SHQ1: variants seen among roughly 807,000 people sequenced by gnomAD.
The protein encoded by SHQ1 is SHQ1, H/ACA ribonucleoprotein assembly factor, also known as protein SHQ1 homolog.
A neutral mutation model predicts 53.8 loss-of-function variants in SHQ1; 49 were observed. That is an observed-to-expected ratio of 0.91 (90% CI 0.72 to 1.16). The LOEUF (loss-of-function observed/expected upper bound fraction) is 1.16, where lower values mean the gene tolerates loss of function less well. SHQ1 is among the 50% of genes most tolerant of loss of function. The probability of loss-of-function intolerance (pLI) is 0.00; values close to 1 mark genes in which losing one functional copy is unlikely to be tolerated. For synonymous variants in SHQ1, 243 were observed against 251.0 expected (o/e 0.97, Z 0.30); for missense variants, 738 against 683.1 (o/e 1.08, Z -0.90).
intron 4 of SHQ1, among the ~76,000 whole-genome samples, chr3:72,834,196 T>C (rs1707923671): frequency 1.3e-5 from 2 of 152,254 alleles, no homozygotes; most frequent in South Asian, 4.1e-4. Context: ...TCTAAGCACA[T>C]ACTAATATAA....
At chr3:72,755,555 T>C (rs1013725013) in intron 10 of SHQ1, among the ~76,000 whole-genome samples, 2 of 152,172 alleles carry the variant, frequency 1.3e-5, no homozygotes, top group African/African-American at 4.8e-5. Context: ...GTCTGAGGAA[T>C]TAAAGTTGGG....
the SHQ1 span, among the ~76,000 whole-genome samples, chr3:72,733,303 A>G: frequency 4.6e-5 from 7 of 151,644 alleles, no homozygotes; most frequent in Non-Finnish European, 1.0e-4. Flanking sequence ...CACCTAGGAA[A>G]CCACTGCCAG....
downstream of SHQ1, among the ~76,000 whole-genome samples, chr3:72,749,001 G>A: frequency 6.9e-6 from 1 of 144,418 alleles, no homozygotes. Context: ...ACACACACAG[G>A]CAGAAGATTT....
At chr3:72,847,429 G>A (rs1708376410) in intron 1 of SHQ1, among the ~76,000 whole-genome samples, 1 of 147,282 alleles carries the variant, frequency 6.8e-6, no homozygotes, top group African/African-American at 2.6e-5. Flanking sequence ...GGGGTTAATA[G>A]CAGTGCTTAT....
intron 10 of SHQ1, chr3:72,753,251 T>G: frequency 1.0e-6 from 1 of 985,436 alleles, no homozygotes; most frequent in Non-Finnish European, 1.2e-6. Context: ...TGAGTGGCTT[T>G]GAGACAAACT....
the SHQ1 span, among the ~76,000 whole-genome samples, chr3:72,744,237 G>C: frequency 6.6e-6 from 1 of 152,150 alleles, no homozygotes; most frequent in African/African-American, 2.4e-5. Flanking sequence ...ACTCCAATAA[G>C]AGCAGTCAGG....
chr3:72,813,830 C>CT (rs931930903), intron 8 of SHQ1, among the ~76,000 whole-genome samples: 26,424 of 108,138 alleles, frequency 0.24, 3,289 homozygotes, highest in Non-Finnish European at 0.27. Flanking sequence ...TCCTCTTTTT[C>CT]TTTTTTTTTT....
At chr3:72,764,017 A>G (rs1365381847) in intron 10 of SHQ1, among the ~76,000 whole-genome samples, 1 of 152,136 alleles carries the variant, frequency 6.6e-6, no homozygotes, top group Non-Finnish European at 1.5e-5. Flanking sequence ...ATGGAAAAAA[A>G]AAAAAGACAC....
At position 72,750,587 on chromosome 3, in the gene SHQ1, T is replaced by C; in HGVS notation, c.1431A>G (p.Gln477=). The change falls in exon 11 of 11, where the codon CAA becomes CAG. Residue 477 remains glutamine, a synonymous_variant. Coordinates refer to ENST00000325599, the MANE Select transcript of SHQ1 (RefSeq NM_018130.3). ...GNEDSGSDSE[Q]DELKDSPSET... The stretch of plus-strand genomic sequence containing the variant: ...CAGATGGACTATCTTTGAGTTCATC[T>C]TGTTCTGAATCTGAGCCTGAGTCTT... The C allele has an allele frequency of 1.2e-6, 2 of 1,614,232 alleles. No individual in the cohort carries two copies. Among genetic ancestry groups the C allele is most frequent in the Non-Finnish European group, 1.7e-6 (2 of 1,180,034 alleles).
In SHQ1 at chr3:72,832,379, C is replaced by T. The variant is rs753477776; in HGVS notation, c.589G>A (p.Asp197Asn). The T allele has an allele frequency of 1.2e-6, 2 of 1,608,724 alleles. No homozygotes were observed. Among genetic ancestry groups the T allele is most frequent in the South Asian group, 2.2e-5 (2 of 90,570 alleles). Reference sequence around the variant, plus strand: ...AATCTCATTACTCACAGATAATGATCAGGATCAAACTTGGCCAGCTCAGCG... The same window carrying T: ...AATCTCATTACTCACAGATAATGATTAGGATCAAACTTGGCCAGCTCAGCG... ...LAAELAKFDP[D>N]HYLADFFEDE... Residue 197 changes from aspartate to asparagine, a missense_variant, in exon 5 of 11, where the codon GAT becomes AAT. By Grantham distance (23) the Asp-to-Asn change is conservative. Transcript: ENST00000325599.
downstream of SHQ1, among the ~76,000 whole-genome samples, chr3:72,748,971 G>GCACACACACACACA (rs34002344): frequency 2.1e-5 from 3 of 144,062 alleles, no homozygotes; most frequent in African/African-American, 7.5e-5. Flanking sequence ...ACACGCACAC[G>GCACACACACACACA]CACACACACA....
intron 9 of SHQ1, among the ~76,000 whole-genome samples, chr3:72,803,329 T>C (rs13322763): frequency 0.076 from 11,598 of 152,236 alleles, 1,326 homozygotes; most frequent in African/African-American, 0.25. Flanking sequence ...ATGTATCTCT[T>C]CAGTTCACAC....
rs1172236308 is a variant in SHQ1, at chr3:72,817,236, C to G, written c.876G>C (p.Glu292Asp). The change falls in exon 7 of 11, where the codon GAG becomes GAC. Residue 292 changes from glutamate to aspartate, a missense_variant. Coordinates refer to ENST00000325599, the MANE Select transcript of SHQ1 (RefSeq NM_018130.3). ...CACACATACATGCACTTACATTCTT[C>G]TCTCCTTCAGTGACACGGGTTTCAT... ...YCYETRVTEG[E>D]KNVESAWNIR... 2 of 1,612,340 alleles carry G rather than the reference C, an allele frequency of 1.2e-6. No homozygotes were observed. Among genetic ancestry groups the G allele is most frequent in the Non-Finnish European group, 1.7e-6 (2 of 1,179,304 alleles).
Position 72,818,021 on chromosome 3 carries a change from G to C in SHQ1, c.728-637C>G, listed in dbSNP as rs529044333. Among the ~76,000 whole-genome samples the C allele has an allele frequency of 3.3e-5, 5 of 151,338 alleles. No homozygotes were observed. In the East Asian group the frequency reaches 9.7e-4, roughly 29 times the overall value. ...GCACCTTCTCGCCTCCTGAATATTC[G>C]TCAACAGCCTCTCACACACTGAAAA... is the stretch of plus-strand genomic sequence containing the variant. On this transcript the variant is annotated intron_variant, in intron 6 of 10. Transcript: ENST00000325599.
the SHQ1 span, among the ~76,000 whole-genome samples, chr3:72,733,317 C>T: frequency 6.6e-6 from 1 of 151,602 alleles, no homozygotes; most frequent in Non-Finnish European, 1.5e-5. Flanking sequence ...CTGCCAGTCC[C>T]ATCTCACAGA....
intron 10 of SHQ1, among the ~76,000 whole-genome samples, chr3:72,763,056 C>CAT (rs113186012): frequency 0.029 from 3,822 of 131,188 alleles, 176 homozygotes; most frequent in African/African-American, 0.1. Context: ...CACACACACA[C>CAT]ACACACAGAG....
intron 10 of SHQ1, among the ~76,000 whole-genome samples, chr3:72,780,893 C>T (rs1706057089): frequency 6.6e-6 from 1 of 152,132 alleles, no homozygotes. Context: ...TGCTACACAA[C>T]TCAGAGAACA....
chr3:72,777,082 A>T (rs1440405803), intron 10 of SHQ1, among the ~76,000 whole-genome samples: 1 of 152,204 alleles, frequency 6.6e-6, no homozygotes, highest in Non-Finnish European at 1.5e-5. Context: ...TTAAATGCAA[A>T]ATGCAAAAGA....
chr3:72,726,283 G>C, the SHQ1 span, among the ~76,000 whole-genome samples: 1 of 152,314 alleles, frequency 6.6e-6, no homozygotes, highest in South Asian at 2.1e-4. Flanking sequence ...TCCCAGGCAA[G>C]TGGGAAAAGC....
Sources: gnomAD v4.1 joint callset for allele counts (sites outside exome capture counted in the v4.1 genomes callset) on GRCh38, gnomAD v4.1.1 for gene constraint, MANE v1.5 for transcripts, NCBI Gene and HGNC (gene_info 2026-07-23, HGNC 2026-07-21) for gene names.